GNG10: variants seen among roughly 807,000 people sequenced by gnomAD.
The protein encoded by GNG10 is G protein subunit gamma 10.
A neutral mutation model predicts 6.8 loss-of-function variants in GNG10; 7 were observed. The observed-to-expected ratio is 1.02, with a 90% CI of 0.58 to 1.92. GNG10 has a LOEUF of 1.92. GNG10 is among the 30% of genes most tolerant of loss of function. The probability of loss-of-function intolerance (pLI) is 0.00; values close to 1 mark genes in which losing one functional copy is unlikely to be tolerated. For synonymous variants in GNG10, 28 were observed against 34.8 expected (o/e 0.80, Z 0.69); for missense variants, 57 against 86.1 (o/e 0.66, Z 1.34).
intron 1 of GNG10, among the ~76,000 whole-genome samples, chr9:111,665,893 ATT>A (rs571066443): frequency 4.0e-4 from 49 of 121,838 alleles, no homozygotes; most frequent in Admixed American, 5.0e-4. Flanking sequence ...CACCCGGTTA[ATT>A]TTTTTTTTTT....
Position 111,661,772 on chromosome 9 carries a change from G to A in GNG10, c.81+57G>A, listed in dbSNP as rs1589354197. The stretch of plus-strand genomic sequence containing the variant: ...TTCCGCCCGCGGGGCGTGAGAAGAG[G>A]AGGCCGGCGGCCCGGACCGGGCGCC... On this transcript the variant is annotated intron_variant, in intron 1 of 2. Transcript: ENST00000374293. The surrounding 1 kb of genome is among the most constrained non-coding windows in gnomAD (Gnocchi z 6.1). 8 of 1,083,378 alleles carry A rather than the reference G, an allele frequency of 7.4e-6. No individual in the cohort carries two copies. Among genetic ancestry groups the A allele is most frequent in the Non-Finnish European group, 9.5e-6 (8 of 840,706 alleles). 67.1% of individuals were successfully genotyped at this position (1,083,378 alleles called of 1,614,324 possible).
rs1830825919 is a variant in GNG10 at position 111,661,919 on chromosome 9, G to A, written c.81+204G>A. Among the ~76,000 whole-genome samples the A allele has an allele frequency of 6.6e-6, 1 of 151,776 alleles. No individual in the cohort carries two copies. The highest frequency in any genetic ancestry group is 2.4e-5 in the African/African-American group (1 of 41,382). Reference sequence around the variant, plus strand: ...CCTGACGGGAGGAAGCCGCGCCTGGGGGGCCCCGCGGTCGTGGTCGGTCCC... The same window carrying A: ...CCTGACGGGAGGAAGCCGCGCCTGGAGGGCCCCGCGGTCGTGGTCGGTCCC... On this transcript the variant is annotated intron_variant, in intron 1 of 2. Coordinates refer to ENST00000374293, the MANE Select transcript of GNG10 (RefSeq NM_001017998.4). The surrounding 1 kb of genome is among the most constrained non-coding windows in gnomAD (Gnocchi z 6.1).
intron 2 of GNG10, among the ~76,000 whole-genome samples, chr9:111,668,879 C>T (rs1030633000): frequency 3.3e-5 from 5 of 151,556 alleles, no homozygotes; most frequent in Admixed American, 6.6e-5. Flanking sequence ...TTGTTTGAGA[C>T]GGAGTTTTGC....
intron 1 of GNG10, among the ~76,000 whole-genome samples, chr9:111,663,219 G>T (rs865974932): frequency 1.3e-5 from 2 of 152,188 alleles, no homozygotes; most frequent in South Asian, 2.1e-4. Context: ...ACGCAGATGC[G>T]CTGTGACTGA....
chr9:111,669,832 TTTATTTTTAACACTAA>T lies in GNG10; in HGVS notation c.*575_*590del, dbSNP rs1830970704. ...TGATTTTTCTAAATGGGAAGATTGC[TTTATTTTTAACACTAA>T]TTATGGGAGCAGATTCTTAGCAAAC... is the stretch of plus-strand genomic sequence containing the variant. On this transcript the variant is annotated 3_prime_UTR_variant, in exon 3 of 3. Transcript: ENST00000374293. 4 of 126,716 alleles carry T rather than the reference TTTATTTTTAACACTAA, an allele frequency of 3.2e-5. No individual in the cohort carries two copies. The highest frequency in any genetic ancestry group is 6.4e-5 in the Non-Finnish European group (4 of 62,266). 7.8% of individuals were successfully genotyped at this position (126,716 alleles called of 1,614,324 possible).
At chr9:111,667,444 G>C (rs893848981) in intron 2 of GNG10, among the ~76,000 whole-genome samples, 1 of 152,036 alleles carries the variant, frequency 6.6e-6, no homozygotes, top group African/African-American at 2.4e-5. Flanking sequence ...TGGTCAGGCT[G>C]GTCTCGAACT....
intron 1 of GNG10, among the ~76,000 whole-genome samples, chr9:111,663,119 G>T (rs1176485381): frequency 6.6e-6 from 1 of 152,154 alleles, no homozygotes; most frequent in Non-Finnish European, 1.5e-5. Context: ...GGCTAAACTT[G>T]TATGGTGACA....
At chr9:111,663,969 T>G (rs1240001592) in intron 1 of GNG10, among the ~76,000 whole-genome samples, 2 of 151,180 alleles carry the variant, frequency 1.3e-5, no homozygotes, top group African/African-American at 4.9e-5. Context: ...TACGGGCACC[T>G]GCCACCACGT....
intron 1 of GNG10, among the ~76,000 whole-genome samples, chr9:111,663,426 A>G (rs560858794): frequency 6.6e-6 from 1 of 152,224 alleles, no homozygotes; most frequent in Admixed American, 6.5e-5. Flanking sequence ...CTGGCCAGAA[A>G]GAGGCTGAGC....
At chr9:111,664,458 A>G (rs1830869779) in intron 1 of GNG10, among the ~76,000 whole-genome samples, 1 of 152,150 alleles carries the variant, frequency 6.6e-6, no homozygotes, top group South Asian at 2.1e-4. Flanking sequence ...CTAGCATATA[A>G]TAGAGGACAT....
intron 1 of GNG10, among the ~76,000 whole-genome samples, chr9:111,664,996 ATAT>A (rs960737338): frequency 2.0e-4 from 30 of 152,326 alleles, no homozygotes; most frequent in Non-Finnish European, 3.5e-4. Context: ...TAGCCTGGTA[ATAT>A]TATATTATGG....
chr9:111,664,901 A>G (rs1420567226), intron 1 of GNG10, among the ~76,000 whole-genome samples: 6 of 152,218 alleles, frequency 3.9e-5, no homozygotes, highest in Non-Finnish European at 8.8e-5. Context: ...TGAATTAATA[A>G]CTGGTATATA....
chr9:111,662,818 A>G (rs938929736), intron 1 of GNG10, among the ~76,000 whole-genome samples: 2 of 152,230 alleles, frequency 1.3e-5, no homozygotes, highest in Non-Finnish European at 2.9e-5. Flanking sequence ...CTTATGTGTT[A>G]GTAAAAGCAG....
At position 111,668,398 on chromosome 9, in the gene GNG10, A is replaced by G. The variant is rs573326121; in HGVS notation, c.*7-871A>G. ...TAAGATAATAGTCTTATGTTGGCAT[A>G]GCATTTTTCTTTTTACAAAGCTTCC... On this transcript the variant is annotated intron_variant, in intron 2 of 2. Transcript: ENST00000374293. Among the ~76,000 whole-genome samples, 8 of 151,740 alleles carry G rather than the reference A, an allele frequency of 5.3e-5. No homozygotes were observed. In the South Asian group the frequency reaches 1.5e-3, roughly 28 times the overall value.
chr9:111,663,413 G>T (rs1273980192), intron 1 of GNG10, among the ~76,000 whole-genome samples: 1 of 152,150 alleles, frequency 6.6e-6, no homozygotes, highest in African/African-American at 2.4e-5. Context: ...GGCGTGTGAA[G>T]GTCTGGCCAG....
intron 2 of GNG10, 32 bp downstream of exon 2, chr9:111,666,978 C>A (rs748080589): frequency 1.9e-6 from 3 of 1,608,510 alleles, no homozygotes; most frequent in Non-Finnish European, 2.6e-6. Flanking sequence ...TGTCTTGGGC[C>A]CATAGCATTA....
rs1376054342 is a variant in GNG10, at chr9:111,670,075, A to G, written c.*813A>G. On this transcript the variant is annotated 3_prime_UTR_variant, in exon 3 of 3. Transcript: ENST00000374293. ...TAAATGATTAAAAACTAACATGAAA[A>G]TATTACAACCTAAAAGAATTCTTAA... The G allele has an allele frequency of 6.6e-6, 1 of 152,614 alleles. No individual in the cohort carries two copies. The highest frequency in any genetic ancestry group is 2.4e-5 in the African/African-American group (1 of 41,452). 9.5% of individuals were successfully genotyped at this position (152,614 alleles called of 1,614,324 possible).
At chr9:111,666,010 C>T (rs1012986723) in intron 1 of GNG10, among the ~76,000 whole-genome samples, 2 of 150,670 alleles carry the variant, frequency 1.3e-5, no homozygotes, top group East Asian at 2.0e-4. Flanking sequence ...GCTGGGATTA[C>T]AGGTGTGAGC....
At chr9:111,664,703 T>C (rs1195933688) in intron 1 of GNG10, among the ~76,000 whole-genome samples, 1 of 152,136 alleles carries the variant, frequency 6.6e-6, no homozygotes, top group Non-Finnish European at 1.5e-5. Flanking sequence ...ACGTTTACTC[T>C]TCTCTTATTT....
Sources: gnomAD v4.1 joint callset for allele counts (sites outside exome capture counted in the v4.1 genomes callset) on GRCh38, gnomAD v4.1.1 for gene constraint, Gnocchi (gnomAD v3.1) non-coding constraint, MANE v1.5 for transcripts, NCBI Gene and HGNC (gene_info 2026-07-23, HGNC 2026-07-21) for gene names.